The following TBC1D9 variants were observed in gnomAD, a reference collection of about 807,000 sequenced individuals.
TBC1D9 encodes TBC1 domain family member 9A.
TBC1D9 carries 63 observed loss-of-function variants against 132.0 expected under a neutral mutation model. That is an observed-to-expected ratio of 0.48 (90% CI 0.39 to 0.59). The LOEUF (loss-of-function observed/expected upper bound fraction) is 0.59, where lower values mean the gene tolerates loss of function less well. TBC1D9 is among the 20% of genes least tolerant of loss of function. The pLI, the probability that TBC1D9 is intolerant of heterozygous loss-of-function variation, is 0.00. For synonymous variants in TBC1D9, 610 were observed against 609.9 expected (o/e 1.00, Z 0.00); for missense variants, 1,261 against 1,592.7 (o/e 0.79, Z 3.54).
chr4:140,741,463 T>G (rs1738756984), intron 1 of TBC1D9, among the ~76,000 whole-genome samples: 1 of 152,180 alleles, frequency 6.6e-6, no homozygotes, highest in Non-Finnish European at 1.5e-5. Context: ...ACGCCTGTAA[T>G]CCCAGCAATT....
intron 1 of TBC1D9, among the ~76,000 whole-genome samples, chr4:140,742,531 C>CAAAAAAAAAAAAAA (rs35891616): frequency 1.6e-5 from 1 of 63,448 alleles, no homozygotes; most frequent in Non-Finnish European, 2.9e-5. Flanking sequence ...GACTCTGTCT[C>CAAAAAAAAAAAAAA]AAAAAAAAAA....
At chr4:140,699,693 AC>A (rs1428378202) in intron 2 of TBC1D9, among the ~76,000 whole-genome samples, 1 of 152,246 alleles carries the variant, frequency 6.6e-6, no homozygotes, top group Non-Finnish European at 1.5e-5. Context: ...TGACCGACTA[AC>A]TATAATGTTG....
intron 13 of TBC1D9, chr4:140,645,024 G>C: frequency 2.1e-6 from 1 of 475,256 alleles, no homozygotes. Context: ...GGGGTGCGTG[G>C]CCAGATGGGT....
chr4:140,643,059 C>T (rs1316776172), intron 13 of TBC1D9: 6 of 1,271,438 alleles, frequency 4.7e-6, no homozygotes, highest in Middle Eastern at 2.7e-4. Flanking sequence ...CTCCTTCTTG[C>T]GCATCCAGCT....
In TBC1D9 at chr4:140,622,038, A is replaced by C. The variant is rs1736622026; in HGVS notation, c.*157T>G. On this transcript the variant is annotated 3_prime_UTR_variant, in exon 21 of 21. Transcript: ENST00000442267. ...CATTGAGGTGTTTAAATATTTCTCC[A>C]ACAGTTTTCATTGAATTACATTATG... 9.2e-7 allele frequency: 1 copy of C among 1,088,298 alleles called. No individual in the cohort carries two copies. The highest frequency in any genetic ancestry group is 1.6e-5 in the African/African-American group (1 of 63,530). 67.4% of individuals were successfully genotyped at this position (1,088,298 alleles called of 1,614,324 possible). A position where few individuals can be genotyped will look rare whatever the true frequency, so the allele number is the denominator to read the frequency against.
chr4:140,672,724 C>T (rs903785589), intron 6 of TBC1D9, among the ~76,000 whole-genome samples: 3 of 152,088 alleles, frequency 2.0e-5, no homozygotes, highest in Non-Finnish European at 4.4e-5. Flanking sequence ...ATAAGCTCCC[C>T]GCCACCAGGA....
intron 1 of TBC1D9, among the ~76,000 whole-genome samples, 151 bp from the exon 2 acceptor site, chr4:140,701,765 T>C (rs1738073463): frequency 6.6e-6 from 1 of 152,140 alleles, no homozygotes; most frequent in South Asian, 2.1e-4. Flanking sequence ...TTTAGGATGA[T>C]GCTGGCTCTA....
intron 2 of TBC1D9, among the ~76,000 whole-genome samples, chr4:140,687,725 T>C (rs1013480428): frequency 1.3e-5 from 2 of 152,006 alleles, no homozygotes; most frequent in African/African-American, 4.8e-5. Context: ...AAAACCCACA[T>C]GTACTTTCTT....
At chr4:140,729,286 T>C (rs574134218) in intron 1 of TBC1D9, among the ~76,000 whole-genome samples, 2 of 152,178 alleles carry the variant, frequency 1.3e-5, no homozygotes, top group Non-Finnish European at 2.9e-5. Context: ...TTACTTTTCA[T>C]AAGATATGAG....
chr4:140,636,566 T>A (rs1021305777), intron 15 of TBC1D9, among the ~76,000 whole-genome samples: 1 of 152,076 alleles, frequency 6.6e-6, no homozygotes, highest in Non-Finnish European at 1.5e-5. Flanking sequence ...AAATATATAT[T>A]TTTTAGTGAT....
At chr4:140,689,376 G>A (rs565967915) in intron 2 of TBC1D9, among the ~76,000 whole-genome samples, 2 of 151,466 alleles carry the variant, frequency 1.3e-5, no homozygotes, top group Admixed American at 6.6e-5. Context: ...TGCTTTCAAA[G>A]CTTCCCTTCC....
At chr4:140,649,329 T>G (rs1216581794) in intron 13 of TBC1D9, among the ~76,000 whole-genome samples, 1 of 152,246 alleles carries the variant, frequency 6.6e-6, no homozygotes, top group Non-Finnish European at 1.5e-5. Context: ...GTCATCAAAT[T>G]ATGCTCAAAA....
chr4:140,737,439 TC>T (rs1738691694), intron 1 of TBC1D9, among the ~76,000 whole-genome samples: 1 of 7,894 alleles, frequency 1.3e-4, no homozygotes, highest in Admixed American at 2.1e-3. Context: ...CCCTCCCTTC[TC>T]TCTCTCTCTC....
At chr4:140,633,617 C>T (rs1177159672) in intron 16 of TBC1D9, among the ~76,000 whole-genome samples, 2 of 151,990 alleles carry the variant, frequency 1.3e-5, no homozygotes, top group African/African-American at 4.8e-5. Flanking sequence ...ATAATATATT[C>T]AATAAAATAT....
chr4:140,735,782 C>T (rs1326931422), intron 1 of TBC1D9, among the ~76,000 whole-genome samples: 1 of 152,148 alleles, frequency 6.6e-6, no homozygotes, highest in Non-Finnish European at 1.5e-5. Context: ...ATAGCAAGAC[C>T]TACTGTGGCG....
chr4:140,736,310 G>A (rs546312392), intron 1 of TBC1D9, among the ~76,000 whole-genome samples: 1 of 152,114 alleles, frequency 6.6e-6, no homozygotes, highest in African/African-American at 2.4e-5. Flanking sequence ...GGAGGCCAAG[G>A]TGGGTGGATC....
chr4:140,641,883 C>T, intron 13 of TBC1D9: 1 of 380,710 alleles, frequency 2.6e-6, no homozygotes, highest in Non-Finnish European at 4.9e-6. Flanking sequence ...CGCCCACTCG[C>T]TTCCTTCTCG....
intron 1 of TBC1D9, among the ~76,000 whole-genome samples, chr4:140,712,945 A>G (rs867781948): frequency 1.3e-5 from 2 of 152,122 alleles, no homozygotes; most frequent in Non-Finnish European, 2.9e-5. Context: ...TTACAGGGAG[A>G]AGGCCTGGAA....
Position 140,679,180 on chromosome 4 carries a change from C to A in TBC1D9, c.613G>T (p.Asp205Tyr). 6.2e-7 allele frequency: 1 copy of A among 1,613,574 alleles called. No homozygotes were observed. Among genetic ancestry groups the A allele is most frequent in the African/African-American group, 1.3e-5 (1 of 75,024 alleles). ...GCATTCTTCTCAAGCTGAGTGATGT[C>A]TACCCACCGGATGACCAGTTTCGCT... ...REAKLVIRWVDITQLEKNATL... is the reference protein window; with the variant it reads ...REAKLVIRWVYITQLEKNATL... Residue 205 changes from aspartate (D) to tyrosine (Y), a missense_variant, in exon 5 of 21, where the codon GAC becomes TAC. Asp to Tyr is a radical substitution (Grantham distance 160). Coordinates refer to ENST00000442267, the MANE Select transcript of TBC1D9 (RefSeq NM_015130.3).
Sources: allele counts gnomAD v4.1 joint callset (sites outside exome capture counted in the v4.1 genomes callset), GRCh38; gene constraint gnomAD v4.1.1; transcripts MANE v1.5; gene names NCBI Gene and HGNC (gene_info 2026-07-23, HGNC 2026-07-21).